Variants in LDLRAD3 observed in about 807,000 individuals in gnomAD.
LDLRAD3 encodes the protein low density lipoprotein receptor class A domain containing 3.
LDLRAD3 carries 20 observed loss-of-function variants against 29.4 expected under a neutral mutation model. The observed-to-expected ratio is 0.68, with a 90% confidence interval of 0.48 to 0.99. The LOEUF is 0.99. Ranked by LOEUF, LDLRAD3 falls within the 50% of genes least tolerant of loss-of-function variation. The probability of loss-of-function intolerance (pLI) is 0.00; values close to 1 mark genes in which losing one functional copy is unlikely to be tolerated. For missense variants in LDLRAD3, 420 were observed against 454.3 expected (o/e 0.92, Z 0.69); for synonymous variants, 157 against 192.7 (o/e 0.81, Z 1.53).
intron 1 of LDLRAD3, among the ~76,000 whole-genome samples, chr11:36,034,848 C>T (rs950463109): frequency 2.1e-4 from 32 of 152,118 alleles, no homozygotes; most frequent in Non-Finnish European, 4.7e-4. Flanking sequence ...CGAAGGGCAT[C>T]CCTGGTAAAA....
chr11:35,984,315 C>T (rs1157445383), intron 1 of LDLRAD3, among the ~76,000 whole-genome samples: 1 of 152,042 alleles, frequency 6.6e-6, no homozygotes, highest in East Asian at 1.9e-4. Flanking sequence ...TCTGTTAATC[C>T]TCATGCTAGG....
chr11:36,088,925 C>T (rs1400822890), intron 3 of LDLRAD3, among the ~76,000 whole-genome samples: 1 of 152,160 alleles, frequency 6.6e-6, no homozygotes, highest in Non-Finnish European at 1.5e-5. Flanking sequence ...GACCCCTCTC[C>T]TCCCCAGTCT....
At chr11:35,985,948 A>T (rs1851609668) in intron 1 of LDLRAD3, among the ~76,000 whole-genome samples, 1 of 151,998 alleles carries the variant, frequency 6.6e-6, no homozygotes, top group Non-Finnish European at 1.5e-5. Flanking sequence ...TGGAAGGTGC[A>T]AAATCTAGGC....
intron 4 of LDLRAD3, among the ~76,000 whole-genome samples, chr11:36,153,014 G>A (rs1467350222): frequency 6.6e-6 from 1 of 152,152 alleles, no homozygotes; most frequent in African/African-American, 2.4e-5. Flanking sequence ...AATACTCTGA[G>A]GTCCTGCTCA....
intron 1 of LDLRAD3, among the ~76,000 whole-genome samples, chr11:35,951,781 C>G (rs1299811966): frequency 1.3e-5 from 2 of 152,200 alleles, no homozygotes; most frequent in African/African-American, 4.8e-5. Flanking sequence ...TCACTTCAAC[C>G]TGTGTAGTAC....
intron 1 of LDLRAD3, among the ~76,000 whole-genome samples, chr11:36,008,589 A>AAT (rs1416749413): frequency 6.6e-6 from 1 of 152,178 alleles, no homozygotes; most frequent in Non-Finnish European, 1.5e-5. Context: ...AGAAAGAATG[A>AAT]ATATATATAT....
intron 4 of LDLRAD3, among the ~76,000 whole-genome samples, chr11:36,150,019 G>C (rs984030701): frequency 1.4e-4 from 21 of 152,192 alleles, no homozygotes; most frequent in African/African-American, 5.1e-4. Flanking sequence ...GGATGAGGTG[G>C]AAGGTGGGGT....
rs1189833121 is a variant in LDLRAD3, at chr11:36,144,959, C to T, written c.454+46498C>T. On this transcript the variant is annotated intron_variant, in intron 4 of 5. Transcript: ENST00000315571. ...TGAGGAGCCCCTCTGCCCGGCCAGC[C>T]GCCCCGTCCCGGAAGGAGGTGGGGG... is the stretch of plus-strand genomic sequence containing the variant. 5.9e-4 allele frequency among the ~76,000 whole-genome samples: 63 copies of T among 107,178 alleles called. 1 individual carries two copies. Among genetic ancestry groups the T allele is most frequent in the African/African-American group, 1.7e-3 (49 of 28,744 alleles). 70.3% of individuals were successfully genotyped at this position (107,178 alleles called of 152,430 possible).
In LDLRAD3 at chr11:36,229,243, C is replaced by T; in HGVS notation, c.884C>T (p.Ser295Phe). ...LNQADLPPYR[S>F]RSGSANSASS... ...CAAGCCGACCTGCCCCCCTACCGCT[C>T]CCGGTCCGGGAGTGCCAACAGTGCC... The change falls in exon 6 of 6, where the codon TCC becomes TTC. Residue 295 changes from serine (S) to phenylalanine (F), a missense_variant. By Grantham distance (155) the Ser-to-Phe change is radical. This residue lies in a region of LDLRAD3 where 140 missense variants were observed against 139.9 expected (regional missense o/e 1.00). Coordinates refer to ENST00000315571, the MANE Select transcript of LDLRAD3 (RefSeq NM_174902.4). 2 of 1,614,132 alleles carry T rather than the reference C, an allele frequency of 1.2e-6. No homozygotes were observed. Among genetic ancestry groups the T allele is most frequent in the Admixed American group, 1.7e-5 (1 of 60,030 alleles).
chr11:36,104,247 A>T (rs978314377), intron 4 of LDLRAD3, among the ~76,000 whole-genome samples: 1 of 152,170 alleles, frequency 6.6e-6, no homozygotes, highest in Non-Finnish European at 1.5e-5. Context: ...CAATAGCCAC[A>T]TGAGTGAGGT....
intron 1 of LDLRAD3, among the ~76,000 whole-genome samples, chr11:35,983,535 T>C (rs1851569809): frequency 6.6e-6 from 1 of 152,216 alleles, no homozygotes. Context: ...CCTAGACCCC[T>C]GTAGGGGGGT....
chr11:36,085,441 T>C (rs752907484), intron 3 of LDLRAD3, among the ~76,000 whole-genome samples: 3 of 152,002 alleles, frequency 2.0e-5, no homozygotes, highest in Non-Finnish European at 4.4e-5. Context: ...TTCTCTGAGC[T>C]ATTTGAATCT....
intron 2 of LDLRAD3, among the ~76,000 whole-genome samples, chr11:36,039,866 C>T (rs1460570032): frequency 1.3e-5 from 2 of 152,204 alleles, no homozygotes; most frequent in East Asian, 1.9e-4. Flanking sequence ...CATAACCAGA[C>T]GACAGAAATA....
At chr11:36,029,056 A>G (rs1852202682) in intron 1 of LDLRAD3, among the ~76,000 whole-genome samples, 1 of 152,226 alleles carries the variant, frequency 6.6e-6, no homozygotes, top group African/African-American at 2.4e-5. Context: ...CATCCTGGTC[A>G]ATATGGGGAA....
rs1025195070 is a variant in LDLRAD3 at position 36,139,370 on chromosome 11, G to A, written c.454+40909G>A. On this transcript the variant is annotated intron_variant, in intron 4 of 5. Coordinates refer to ENST00000315571, the MANE Select transcript of LDLRAD3 (RefSeq NM_174902.4). ...TTATAGATGATCCCAACTTTGGTCT[G>A]TGTGTGTCTTCATTTTGTCTCCCCA... Among the ~76,000 whole-genome samples, 3 of 152,184 alleles carry A rather than the reference G, an allele frequency of 2.0e-5. No homozygotes were observed. In the East Asian group the frequency reaches 5.8e-4, roughly 29 times the overall value.
intron 2 of LDLRAD3, among the ~76,000 whole-genome samples, chr11:36,065,228 TAGA>T (rs1852772496): frequency 6.6e-6 from 1 of 152,238 alleles, no homozygotes; most frequent in Non-Finnish European, 1.5e-5. Context: ...GTCTTCCTGA[TAGA>T]AGACATTGGC....
rs1022353476 is a variant in LDLRAD3, at chr11:36,174,101, C to G, written c.455-52984C>G. Among the ~76,000 whole-genome samples the G allele has an allele frequency of 5.3e-5, 8 of 152,286 alleles. No homozygotes were observed. The South Asian group carries it at 1.7e-3, about 32-fold the overall frequency. ...TGATCTTTGACAAACCTGACAAAAACAAGCAATGGGGAAAGGATTCCCTAT... is the reference window on the plus strand; with the variant it reads ...TGATCTTTGACAAACCTGACAAAAAGAAGCAATGGGGAAAGGATTCCCTAT... On this transcript the variant is annotated intron_variant, in intron 4 of 5. Transcript: ENST00000315571.
intron 2 of LDLRAD3, among the ~76,000 whole-genome samples, chr11:36,042,804 T>C (rs1430730194): frequency 1.3e-5 from 2 of 152,164 alleles, no homozygotes; most frequent in African/African-American, 4.8e-5. Flanking sequence ...AGAAGACAGC[T>C]GTCTACACTC....
intron 1 of LDLRAD3, among the ~76,000 whole-genome samples, chr11:36,009,175 T>C (rs1851923804): frequency 6.6e-6 from 1 of 152,244 alleles, no homozygotes; most frequent in African/African-American, 2.4e-5. Flanking sequence ...CCAACTCATA[T>C]CTGTGGCTAC....
Sources: allele counts gnomAD v4.1 joint callset (sites outside exome capture counted in the v4.1 genomes callset), GRCh38; gene constraint gnomAD v4.1.1; regional missense constraint gnomAD v4.1.1; transcripts MANE v1.5; gene names NCBI Gene and HGNC (gene_info 2026-07-23, HGNC 2026-07-21).